The following SDK1 variants were observed in gnomAD, a reference collection of about 807,000 sequenced individuals.
SDK1 encodes the protein protein sidekick-1.
Under a neutral mutation model 245.5 loss-of-function variants are expected in SDK1, and 157 were observed. The observed-to-expected ratio is 0.64, with a 90% confidence interval of 0.56 to 0.73. The LOEUF is 0.73. SDK1 is among the 30% of genes least tolerant of loss of function. The probability of loss-of-function intolerance (pLI) is 0.00; values close to 1 mark genes in which losing one functional copy is unlikely to be tolerated. For synonymous variants in SDK1, 1,647 were observed against 1,278.5 expected, an observed-to-expected ratio of 1.29 and a Z score of -6.15; for missense variants, 3,583 against 3,002.3, an observed-to-expected ratio of 1.19 and a Z score of -4.52.
At chr7:3,604,258 G>A (rs954334725) in intron 1 of SDK1, among the ~76,000 whole-genome samples, 1 of 152,146 alleles carries the variant, frequency 6.6e-6, no homozygotes, top group African/African-American at 2.4e-5. Flanking sequence ...AGAAGGATTG[G>A]TACCAGCTCC....
chr7:3,913,925 G>A (rs149760189), intron 5 of SDK1, among the ~76,000 whole-genome samples: 92 of 152,282 alleles, frequency 6.0e-4, no homozygotes, highest in African/African-American at 2.2e-3. Flanking sequence ...CATTAAGTTA[G>A]TGGTGATACT....
intron 4 of SDK1, among the ~76,000 whole-genome samples, chr7:3,816,560 T>C (rs936526221): frequency 2.0e-5 from 3 of 151,602 alleles, no homozygotes; most frequent in African/African-American, 7.3e-5. Flanking sequence ...AAGTTGAATC[T>C]CTGAATAGAC....
intron 3 of SDK1, among the ~76,000 whole-genome samples, chr7:3,641,194 T>G (rs932432357): frequency 5.9e-5 from 9 of 152,178 alleles, no homozygotes; most frequent in Non-Finnish European, 7.3e-5. Flanking sequence ...CAAACTTATT[T>G]ATGTTTAAAT....
At chr7:4,169,332 G>T (rs1002112341) in intron 32 of SDK1, among the ~76,000 whole-genome samples, 2 of 152,178 alleles carry the variant, frequency 1.3e-5, no homozygotes, top group Non-Finnish European at 2.9e-5. Context: ...CAGGCACTGG[G>T]AACTGTACCT....
In SDK1 at chr7:3,401,985, C is replaced by A. The variant is rs749890360; in HGVS notation, c.298+100101C>A. Among the ~76,000 whole-genome samples, 85 of 152,190 alleles carry A rather than the reference C, an allele frequency of 5.6e-4. 1 individual carries two copies. Among genetic ancestry groups the A allele is most frequent in the Middle Eastern group, 3.4e-3 (1 of 294 alleles). ...ATCTGTCGATTAGGAGGTAAGAACA[C>A]CTGCTGAATATGTACCTTGAGCTAG... On this transcript the variant is annotated intron_variant, in intron 1 of 44. Transcript: ENST00000404826.
chr7:3,310,497 G>T (rs2128543271), intron 1 of SDK1, among the ~76,000 whole-genome samples: 1 of 152,290 alleles, frequency 6.6e-6, no homozygotes, highest in South Asian at 2.1e-4. Context: ...ATGGGATTTG[G>T]TCATGGGTTG....
chr7:3,585,738 G>C (rs1022405557), intron 1 of SDK1, among the ~76,000 whole-genome samples: 1 of 152,142 alleles, frequency 6.6e-6, no homozygotes, highest in Non-Finnish European at 1.5e-5. Context: ...CAGTACATCA[G>C]GATTGAGCAC....
chr7:3,824,517 C>A (rs535705485), intron 5 of SDK1, among the ~76,000 whole-genome samples: 13 of 152,286 alleles, frequency 8.5e-5, no homozygotes, highest in African/African-American at 2.9e-4. Flanking sequence ...AGCCCCGCCT[C>A]TTGTTTGCTG....
chr7:3,374,022 A>G (rs747791077), intron 1 of SDK1, among the ~76,000 whole-genome samples: 2 of 152,202 alleles, frequency 1.3e-5, no homozygotes, highest in East Asian at 1.9e-4. Flanking sequence ...GTAAAATGCC[A>G]TGTTTCTTTG....
intron 7 of SDK1, among the ~76,000 whole-genome samples, chr7:3,952,406 C>T (rs982209781): frequency 6.6e-6 from 1 of 152,052 alleles, no homozygotes; most frequent in Non-Finnish European, 1.5e-5. Flanking sequence ...TGGTGAAATC[C>T]CGCCCGTCTC....
intron 1 of SDK1, among the ~76,000 whole-genome samples, chr7:3,312,033 C>T (rs891840595): frequency 6.6e-6 from 1 of 152,136 alleles, no homozygotes; most frequent in Admixed American, 6.5e-5. Context: ...GAAAAGAGAA[C>T]TAGAAAAACT....
intron 1 of SDK1, among the ~76,000 whole-genome samples, chr7:3,372,878 T>G (rs964113407): frequency 6.6e-6 from 1 of 152,192 alleles, no homozygotes; most frequent in Non-Finnish European, 1.5e-5. Context: ...TGTAGAAACT[T>G]GCTTCAGTCT....
intron 1 of SDK1, among the ~76,000 whole-genome samples, chr7:3,489,236 C>T (rs967517276): frequency 6.6e-6 from 1 of 152,126 alleles, no homozygotes; most frequent in African/African-American, 2.4e-5. Context: ...ATCATCTGCA[C>T]AGTTGAATAC....
At chr7:3,660,052 G>C (rs1783305466) in intron 4 of SDK1, among the ~76,000 whole-genome samples, 1 of 152,114 alleles carries the variant, frequency 6.6e-6, no homozygotes, top group Admixed American at 6.5e-5. Flanking sequence ...GTAAACACAC[G>C]AGTCTTTAGC....
At chr7:3,785,630 C>T (rs771590322) in intron 4 of SDK1, among the ~76,000 whole-genome samples, 8 of 152,128 alleles carry the variant, frequency 5.3e-5, no homozygotes, top group African/African-American at 1.7e-4. Flanking sequence ...TTATAAGTAA[C>T]TGTCTACTGG....
chr7:3,856,909 T>C (rs904796241), intron 5 of SDK1, among the ~76,000 whole-genome samples: 2 of 152,044 alleles, frequency 1.3e-5, no homozygotes, highest in Non-Finnish European at 2.9e-5. Context: ...ATAAGAAAAC[T>C]TAGAATTCAA....
Position 4,210,139 on chromosome 7 carries a change from A to G in SDK1, c.5516A>G (p.Tyr1839Cys). 6.3e-7 allele frequency: 1 copy of G among 1,594,768 alleles called. No individual in the cohort carries two copies. Among genetic ancestry groups the G allele is most frequent in the South Asian group, 1.1e-5 (1 of 87,966 alleles). The change falls in exon 38 of 45, where the codon TAC becomes TGC. Residue 1839 changes from tyrosine to cysteine, a missense_variant. By Grantham distance (194) the Tyr-to-Cys change is radical (BLOSUM62 -2). Coordinates refer to ENST00000404826, the MANE Select transcript of SDK1 (RefSeq NM_152744.4). Reference protein sequence around the residue: ...NGILQGYRVVYEPLAPVQGVS... With the variant: ...NGILQGYRVVCEPLAPVQGVS... ...ATCCTGCAGGGCTATCGGGTGGTGT[A>G]CGAGCCCTTGGCCCCTGTACAAGGT...
At chr7:3,746,882 G>C (rs1464029421) in intron 4 of SDK1, among the ~76,000 whole-genome samples, 4 of 152,136 alleles carry the variant, frequency 2.6e-5, no homozygotes, top group Admixed American at 2.6e-4. Context: ...CATGAATCCC[G>C]AATGTTCTTG....
At chr7:4,191,974 C>T (rs1308898490) in intron 35 of SDK1, among the ~76,000 whole-genome samples, 4 of 152,232 alleles carry the variant, frequency 2.6e-5, no homozygotes, top group African/African-American at 9.6e-5. Context: ...CCCCAGGCCT[C>T]TCTCAAACCC....
Sources: gnomAD v4.1 joint callset for allele counts (sites outside exome capture counted in the v4.1 genomes callset) on GRCh38, gnomAD v4.1.1 for gene constraint, MANE v1.5 for transcripts, NCBI Gene and HGNC (gene_info 2026-07-23, HGNC 2026-07-21) for gene names.